The following VPS26A variants were observed in gnomAD, a reference collection of about 807,000 sequenced individuals.
VPS26A encodes the protein vacuolar protein sorting-associated protein 26A.
In VPS26A, 22 loss-of-function variants were observed where a neutral mutation model predicts 42.4. The observed-to-expected ratio is 0.52, with a 90% CI of 0.37 to 0.74. The LOEUF (loss-of-function observed/expected upper bound fraction) is 0.74. Ranked by LOEUF, VPS26A falls within the 30% of genes least tolerant of loss-of-function variation. The probability of loss-of-function intolerance (pLI) is 0.00; values close to 1 mark genes in which losing one functional copy is unlikely to be tolerated. For missense variants in VPS26A, 276 were observed against 379.2 expected, an observed-to-expected ratio of 0.73 and a Z score of 2.26; for synonymous variants, 110 against 123.5, an observed-to-expected ratio of 0.89 and a Z score of 0.73.
At chr10:69,137,164 T>C (rs529008259) in intron 2 of VPS26A, among the ~76,000 whole-genome samples, 2 of 152,320 alleles carry the variant, frequency 1.3e-5, no homozygotes, top group Non-Finnish European at 2.9e-5. Flanking sequence ...TATTTCTCAA[T>C]AACTTATATA....
chr10:69,134,666 ATT>A (rs753497087), intron 2 of VPS26A, among the ~76,000 whole-genome samples: 3 of 144,294 alleles, frequency 2.1e-5, no homozygotes, highest in Non-Finnish European at 1.5e-5. Flanking sequence ...ATGTGAGGTT[ATT>A]TTTTTTTTTT....
At chr10:69,146,917 T>C (rs1398879394) in intron 2 of VPS26A, among the ~76,000 whole-genome samples, 2 of 152,344 alleles carry the variant, frequency 1.3e-5, no homozygotes, top group Middle Eastern at 3.4e-3. Context: ...TGTGAACATA[T>C]GTTTTAACTT....
intron 2 of VPS26A, among the ~76,000 whole-genome samples, chr10:69,139,406 C>A (rs540166273): frequency 6.6e-6 from 1 of 152,212 alleles, no homozygotes; most frequent in African/African-American, 2.4e-5. Flanking sequence ...TAGGTTCAAG[C>A]GATTCTCCTG....
At chr10:69,124,585 G>C (rs1840608679) in intron 1 of VPS26A, among the ~76,000 whole-genome samples, 1 of 152,180 alleles carries the variant, frequency 6.6e-6, no homozygotes, top group Admixed American at 6.5e-5. Flanking sequence ...GCCTCTGCGG[G>C]GGCTGGTCGC....
intron 2 of VPS26A, among the ~76,000 whole-genome samples, chr10:69,143,751 G>A (rs1458504417): frequency 6.6e-6 from 1 of 152,090 alleles, no homozygotes; most frequent in Non-Finnish European, 1.5e-5. Context: ...GGGTCTTGCT[G>A]TGTCACCCAG....
intron 2 of VPS26A, among the ~76,000 whole-genome samples, chr10:69,139,816 A>T (rs1841000702): frequency 6.6e-6 from 1 of 151,576 alleles, no homozygotes; most frequent in Admixed American, 6.6e-5. Context: ...CTTATCCTTT[A>T]TTTCTAAAAT....
chr10:69,144,573 C>A (rs1408373907), intron 2 of VPS26A, among the ~76,000 whole-genome samples: 1 of 152,122 alleles, frequency 6.6e-6, no homozygotes, highest in African/African-American at 2.4e-5. Context: ...TAGCAATATT[C>A]TTTTAAGGTT....
intron 2 of VPS26A, among the ~76,000 whole-genome samples, chr10:69,141,031 A>G (rs1002063189): frequency 2.0e-5 from 3 of 152,076 alleles, no homozygotes; most frequent in African/African-American, 7.2e-5. Flanking sequence ...GGATCCTTAG[A>G]TTTTTTTGGT....
At chr10:69,142,449 C>T (rs188880603) in intron 2 of VPS26A, among the ~76,000 whole-genome samples, 1 of 151,850 alleles carries the variant, frequency 6.6e-6, no homozygotes, top group Non-Finnish European at 1.5e-5. Context: ...CAACCTTGAC[C>T]TCCCAAAGTG....
chr10:69,126,835 T>C (rs888856248), intron 1 of VPS26A, among the ~76,000 whole-genome samples: 1 of 151,420 alleles, frequency 6.6e-6, no homozygotes, highest in Admixed American at 6.6e-5. Context: ...GATCTTTCTC[T>C]TTCAGTTCTT....
intron 2 of VPS26A, among the ~76,000 whole-genome samples, chr10:69,151,023 T>C (rs368899745): frequency 1.3e-5 from 2 of 151,610 alleles, no homozygotes; most frequent in African/African-American, 2.4e-5. Context: ...CCCAGCACTT[T>C]GGGAGGCCGA....
At position 69,172,379 on chromosome 10, in the gene VPS26A, G is replaced by T. The variant is rs41279646; in HGVS notation, c.*1110G>T. 79 of 152,312 alleles carry T rather than the reference G, an allele frequency of 5.2e-4. No individual in the cohort carries two copies. Among genetic ancestry groups the T allele is most frequent in the Non-Finnish European group, 1.0e-3 (69 of 68,024 alleles). The allele number at this position is 152,312 out of a possible 1,614,324, so 9.4% of individuals were successfully genotyped here. A position where few individuals can be genotyped will look rare whatever the true frequency, so the allele number is the denominator to read the frequency against. ...GCAGTCATCCATTCATATGCATGGG[G>T]TCTGATCGCAAATACACTAAATGTG... On this transcript the variant is annotated 3_prime_UTR_variant, in exon 9 of 9. Transcript: ENST00000263559.
intron 2 of VPS26A, among the ~76,000 whole-genome samples, chr10:69,149,737 T>G (rs76344906): frequency 0.051 from 837 of 16,554 alleles, 108 homozygotes; most frequent in Non-Finnish European, 0.11. Context: ...GTTTTTTGTT[T>G]TTTTTTTTTT....
intron 2 of VPS26A, among the ~76,000 whole-genome samples, chr10:69,147,037 C>T (rs1312391823): frequency 6.6e-6 from 1 of 152,188 alleles, no homozygotes; most frequent in Non-Finnish European, 1.5e-5. Flanking sequence ...AGATTGCCTC[C>T]AGCAATATAT....
intron 2 of VPS26A, among the ~76,000 whole-genome samples, chr10:69,153,697 CAAATT>C (rs899331364): frequency 6.6e-6 from 1 of 152,038 alleles, no homozygotes; most frequent in African/African-American, 2.4e-5. Flanking sequence ...ATATCTTTCT[CAAATT>C]AAAAAGTTAT....
chr10:69,155,380 T>C (rs1381749645), intron 2 of VPS26A, among the ~76,000 whole-genome samples: 1 of 152,210 alleles, frequency 6.6e-6, no homozygotes, highest in Non-Finnish European at 1.5e-5. Context: ...GTTGTGTGGA[T>C]GTTAGTCTTG....
chr10:69,144,870 T>C (rs1841120170), intron 2 of VPS26A, among the ~76,000 whole-genome samples: 1 of 152,106 alleles, frequency 6.6e-6, no homozygotes, highest in Non-Finnish European at 1.5e-5. Context: ...AGTCTCTTAA[T>C]GGTGTCTTAT....
At chr10:69,139,544 C>T (rs897368946) in intron 2 of VPS26A, among the ~76,000 whole-genome samples, 4 of 152,084 alleles carry the variant, frequency 2.6e-5, no homozygotes, top group African/African-American at 7.3e-5. Flanking sequence ...CCTTGTGATC[C>T]GCCTGCCTTG....
rs746153789 is a variant in VPS26A, at chr10:69,155,792, A to G, written c.154-20A>G. The G allele has an allele frequency of 1.0e-5, 16 of 1,602,808 alleles. No individual in the cohort carries two copies. The highest frequency in any genetic ancestry group is 1.3e-5 in the Non-Finnish European group (15 of 1,171,672). ...ACTCATAGGATTGTTAACATCTCTT[A>G]TAATTTCATGTTTTGGCAGGTAAAC... On this transcript the variant is annotated intron_variant, in intron 2 of 8. Coordinates refer to ENST00000263559, the MANE Select transcript of VPS26A (RefSeq NM_004896.5).
Sources: allele counts gnomAD v4.1 joint callset (sites outside exome capture counted in the v4.1 genomes callset), GRCh38; gene constraint gnomAD v4.1.1; transcripts MANE v1.5; gene names NCBI Gene and HGNC (gene_info 2026-07-23, HGNC 2026-07-21).